Variants in ZYG11B observed in about 807,000 individuals in gnomAD.
ZYG11B encodes the protein zyg-11 family member B, cell cycle regulator, also known as protein zyg-11 homolog B.
ZYG11B carries 36 observed loss-of-function variants against 82.4 expected under a neutral mutation model. That is an observed-to-expected ratio of 0.44 (90% CI 0.33 to 0.58). The LOEUF (loss-of-function observed/expected upper bound fraction) is 0.58. Ranked by LOEUF, ZYG11B falls within the 20% of genes least tolerant of loss-of-function variation. The probability of loss-of-function intolerance (pLI) is 0.02; values close to 1 mark genes in which losing one functional copy is unlikely to be tolerated. For missense variants in ZYG11B, 552 were observed against 895.6 expected (o/e 0.62, Z 4.90); for synonymous variants, 303 against 312.8 (o/e 0.97, Z 0.33).
In ZYG11B at chr1:52,824,753, G is replaced by T. The variant is rs1645311402; in HGVS notation, c.*3124G>T. On this transcript the variant is annotated 3_prime_UTR_variant, in exon 14 of 14. Coordinates refer to ENST00000294353, the MANE Select transcript of ZYG11B (RefSeq NM_024646.3). ...ATAGAATTAAGGCACAGAATTGTGT[G>T]TAAGGTCCTGAATCTGGCTAAAATA... 6.6e-6 allele frequency: 1 copy of T among 152,154 alleles called. No homozygotes were observed. The highest frequency in any genetic ancestry group is 2.1e-4 in the South Asian group (1 of 4,832). The allele number at this position is 152,154 out of a possible 1,614,324, so 9.4% of individuals were successfully genotyped here.
chr1:52,779,756 C>G, intron 3 of ZYG11B, 97 bp from the exon 4 acceptor site: 2 of 1,477,902 alleles, frequency 1.4e-6, no homozygotes, highest in Non-Finnish European at 9.2e-7. Context: ...TCCCAAAGTA[C>G]TGGGATTACA....
At chr1:52,780,508 AAAAG>A (rs1219929864) in intron 4 of ZYG11B, among the ~76,000 whole-genome samples, 1 of 152,174 alleles carries the variant, frequency 6.6e-6, no homozygotes, top group Non-Finnish European at 1.5e-5. Flanking sequence ...AAAAATAAAA[AAAAG>A]AGAGAAGTAA....
intron 3 of ZYG11B, among the ~76,000 whole-genome samples, chr1:52,777,749 A>G (rs576047807): frequency 5.3e-5 from 8 of 151,966 alleles, no homozygotes; most frequent in Admixed American, 3.9e-4. Context: ...GCTGAATATT[A>G]TATGTTTATA....
chr1:52,813,803 A>G (rs1004165532), intron 11 of ZYG11B, 57 bp from the exon 12 acceptor site: 2 of 1,613,148 alleles, frequency 1.2e-6, no homozygotes, highest in Non-Finnish European at 1.7e-6. Context: ...AATGTAGTAA[A>G]TAATGCAGTG....
Position 52,790,471 on chromosome 1 carries a change from C to G in ZYG11B, c.1334+404C>G, listed in dbSNP as rs181563013. On this transcript the variant is annotated intron_variant, in intron 6 of 13. Transcript: ENST00000294353. ...TTTGGCCAGGCACAGTGGCTCATGCCTATAATCCCAGCGCTTTAGGAGGCC... is the reference window on the plus strand; with the variant it reads ...TTTGGCCAGGCACAGTGGCTCATGCGTATAATCCCAGCGCTTTAGGAGGCC... Among the ~76,000 whole-genome samples the G allele has an allele frequency of 4.0e-3, 613 of 152,196 alleles. 2 individuals are homozygous for G. The highest frequency in any genetic ancestry group is 0.014 in the African/African-American group (587 of 41,540).
chr1:52,816,760 G>T, intron 13 of ZYG11B, 131 bp downstream of exon 13: 2 of 590,298 alleles, frequency 3.4e-6, no homozygotes, highest in Non-Finnish European at 3.0e-6. Flanking sequence ...GGCCATCTTA[G>T]GTTATAAACT....
Position 52,771,418 on chromosome 1 carries a change from A to T in ZYG11B, c.595A>T (p.Thr199Ser). 6.2e-7 allele frequency: 1 copy of T among 1,614,106 alleles called. No individual in the cohort carries two copies. Among genetic ancestry groups the T allele is most frequent in the Non-Finnish European group, 8.5e-7 (1 of 1,180,042 alleles). ...CTTGGATATTTCTAACACCTCAATC[A>T]CAGACATCACTGCTCTACTGGCCTG... is the stretch of plus-strand genomic sequence containing the variant. The part of the protein sequence containing the change: ...ESLDISNTSI[T>S]DITALLACKD... Residue 199 changes from threonine (T) to serine (S), a missense_variant, in exon 3 of 14, where the codon ACA becomes TCA. Thr to Ser is a moderately conservative substitution (Grantham distance 58). This residue lies in a region of ZYG11B where 359 missense variants were observed against 555.8 expected (regional missense o/e 0.65). Transcript: ENST00000294353. The surrounding 1 kb of genome is among the most constrained non-coding windows in gnomAD (Gnocchi z 5.4).
intron 3 of ZYG11B, among the ~76,000 whole-genome samples, chr1:52,777,502 T>C (rs1303220904): frequency 1.3e-5 from 2 of 152,192 alleles, no homozygotes; most frequent in Non-Finnish European, 2.9e-5. Context: ...TGGAGTGCTG[T>C]GGCACAGTCA....
At chr1:52,752,887 G>A (rs967441891) in intron 1 of ZYG11B, among the ~76,000 whole-genome samples, 4 of 151,394 alleles carry the variant, frequency 2.6e-5, no homozygotes, top group Non-Finnish European at 4.4e-5. Flanking sequence ...TCGCTATGTC[G>A]CCCAGGCTGG....
chr1:52,756,575 T>C lies in ZYG11B; in HGVS notation c.148T>C (p.Phe50Leu). ...ATTGTGTCTGCAGGAACCTGGAGTA[T>C]TCCCACAGGAGGTGGCTGATCGACT... ...GTLCLQEPGV[F>L]PQEVADRLLR... The change falls in exon 2 of 14, where the codon TTC becomes CTC. Residue 50 changes from phenylalanine (F) to leucine (L), a missense_variant. Transcript: ENST00000294353. 6.2e-7 allele frequency: 1 copy of C among 1,614,088 alleles called. No homozygotes were observed. The highest frequency in any genetic ancestry group is 8.5e-7 in the Non-Finnish European group (1 of 1,180,020).
chr1:52,802,267 T>C, intron 10 of ZYG11B, 128 bp downstream of exon 10: 2 of 736,800 alleles, frequency 2.7e-6, no homozygotes, highest in East Asian at 5.4e-5. Context: ...TCATTGCTAA[T>C]TGAGAACTAT....
rs1462308853 is a variant in ZYG11B, at chr1:52,826,223, G to C, written c.*4594G>C. 1.3e-5 allele frequency: 2 copies of C among 152,122 alleles called. No individual in the cohort carries two copies. The highest frequency in any genetic ancestry group is 2.9e-5 in the Non-Finnish European group (2 of 68,024). 9.4% of individuals were successfully genotyped at this position (152,122 alleles called of 1,614,324 possible). A position where few individuals can be genotyped will look rare whatever the true frequency, so the allele number is the denominator to read the frequency against. ...TATTTGGGGACTTTGTATTGCTAGG[G>C]CTTCAGAATACTAACTTTGACACAG... On this transcript the variant is annotated 3_prime_UTR_variant, in exon 14 of 14. Coordinates refer to ENST00000294353, the MANE Select transcript of ZYG11B (RefSeq NM_024646.3).
At chr1:52,784,126 G>A (rs1349522974) in intron 4 of ZYG11B, among the ~76,000 whole-genome samples, 2 of 151,994 alleles carry the variant, frequency 1.3e-5, no homozygotes, top group Admixed American at 6.6e-5. Context: ...CGAGTAGCTG[G>A]GATTACAGGC....
intron 1 of ZYG11B, among the ~76,000 whole-genome samples, chr1:52,734,642 C>T (rs1218995592): frequency 6.7e-6 from 1 of 149,944 alleles, no homozygotes; most frequent in East Asian, 2.0e-4. Flanking sequence ...AAGAGTGAAA[C>T]TCTGGCTCCA....
chr1:52,821,513 A>T lies in ZYG11B; in HGVS notation c.2119A>T (p.Thr707Ser). ...HLYNIKDHEH[T>S]DPHVQQIAVA... ...ATACAACATCAAAGATCATGAACAT[A>T]CTGATCCCCATGTCCAACAGATTGC... Residue 707 changes from threonine to serine, a missense_variant, in exon 14 of 14, where the codon ACT becomes TCT. Transcript: ENST00000294353. The T allele has an allele frequency of 6.2e-7, 1 of 1,614,208 alleles. No homozygotes were observed. The highest frequency in any genetic ancestry group is 8.5e-7 in the Non-Finnish European group (1 of 1,180,008).
rs537238197 is a variant in ZYG11B at position 52,808,583 on chromosome 1, C to T, written c.1696-4953C>T. The stretch of plus-strand genomic sequence containing the variant: ...ATTTTGCTGTATTGTCCAGGCTGGT[C>T]TCAAACTCCTGGCCTCAAGTGATTC... On this transcript the variant is annotated intron_variant, in intron 10 of 13. Coordinates refer to ENST00000294353, the MANE Select transcript of ZYG11B (RefSeq NM_024646.3). Among the ~76,000 whole-genome samples the T allele has an allele frequency of 1.6e-4, 25 of 152,228 alleles. No individual in the cohort carries two copies. In the Middle Eastern group the frequency reaches 0.01, roughly 62 times the overall value.
chr1:52,735,995 C>G (rs1181495585), intron 1 of ZYG11B, among the ~76,000 whole-genome samples: 2 of 152,072 alleles, frequency 1.3e-5, no homozygotes, highest in Admixed American at 6.6e-5. Flanking sequence ...AGTCTAACAT[C>G]TATTATGCAT....
At chr1:52,750,100 AT>A (rs1644508257) in intron 1 of ZYG11B, among the ~76,000 whole-genome samples, 1 of 151,868 alleles carries the variant, frequency 6.6e-6, no homozygotes, top group Admixed American at 6.6e-5. Flanking sequence ...TATTTATTTT[AT>A]TTTAATTTAG....
chr1:52,728,281 C>T (rs996676237), intron 1 of ZYG11B, among the ~76,000 whole-genome samples: 1 of 152,150 alleles, frequency 6.6e-6, no homozygotes. Context: ...TGTTTGGAGA[C>T]GATCTTGCTC....
Sources: gnomAD v4.1 joint callset for allele counts (sites outside exome capture counted in the v4.1 genomes callset) on GRCh38, gnomAD v4.1.1 for gene constraint, gnomAD v4.1.1 regional missense constraint, Gnocchi (gnomAD v3.1) non-coding constraint, MANE v1.5 for transcripts, NCBI Gene and HGNC (gene_info 2026-07-23, HGNC 2026-07-21) for gene names.